The following RBFOX1 variants were observed in gnomAD, a reference collection of about 807,000 sequenced individuals.
RBFOX1 encodes the protein RNA binding protein fox-1 homolog 1.
In RBFOX1, 8 loss-of-function variants were observed where a neutral mutation model predicts 57.7. That is an observed-to-expected ratio of 0.14 (90% confidence interval 0.08 to 0.25). The LOEUF is 0.25. RBFOX1 is among the 10% of genes least tolerant of loss of function. The pLI, the probability that RBFOX1 is intolerant of heterozygous loss-of-function variation, is 1.00. For synonymous variants in RBFOX1, 326 were observed against 222.4 expected (o/e 1.47, Z -4.15); for missense variants, 611 against 548.5 (o/e 1.11, Z -1.14).
chr16:7,105,090 G>C (rs950620608), intron 4 of RBFOX1, among the ~76,000 whole-genome samples: 2 of 152,084 alleles, frequency 1.3e-5, no homozygotes, highest in African/African-American at 4.8e-5. Context: ...CTGAAAGAGA[G>C]CACCTCTGCC....
intron 3 of RBFOX1, among the ~76,000 whole-genome samples, chr16:6,693,448 A>T (rs1426241898): frequency 6.6e-6 from 1 of 151,134 alleles, no homozygotes; most frequent in Non-Finnish European, 1.5e-5. Flanking sequence ...CTTCACTACC[A>T]TCACCACCAT....
At chr16:6,954,481 A>C (rs1407818891) in intron 3 of RBFOX1, among the ~76,000 whole-genome samples, 1 of 152,180 alleles carries the variant, frequency 6.6e-6, no homozygotes, top group Non-Finnish European at 1.5e-5. Flanking sequence ...TTTAAAACGT[A>C]ATTTTGTTGA....
At chr16:7,377,596 TA>T (rs2097707953) in intron 4 of RBFOX1, among the ~76,000 whole-genome samples, 1 of 152,240 alleles carries the variant, frequency 6.6e-6, no homozygotes, top group African/African-American at 2.4e-5. Context: ...TCTATGGCAT[TA>T]TTCTTTATCA....
chr16:6,711,839 G>C (rs4786110), intron 3 of RBFOX1, among the ~76,000 whole-genome samples: 148,543 of 152,230 alleles, frequency 0.98, 72,561 homozygotes, highest in Middle Eastern at 1. Flanking sequence ...CCTTCCCCAG[G>C]TACCCCTAGG....
chr16:6,834,903 T>G (rs2092973874), intron 3 of RBFOX1, among the ~76,000 whole-genome samples: 1 of 150,502 alleles, frequency 6.6e-6, no homozygotes, highest in Non-Finnish European at 1.5e-5. Flanking sequence ...TTTTTTTTTT[T>G]TTTTTTTGAG....
chr16:5,364,404 C>T lies in RBFOX1; in HGVS notation c.220-102812C>T, dbSNP rs569001710. Among the ~76,000 whole-genome samples the T allele has an allele frequency of 1.2e-4, 19 of 152,300 alleles. No homozygotes were observed. In the South Asian group the frequency reaches 3.1e-3, roughly 25 times the overall value. ...CTAGGAAAACAAGCCAGTTGCCAAT[C>T]GACTTGGCAATACCTAAGAAATATT... On this transcript the variant is annotated intron_variant, in intron 1 of 2. Coordinates refer to the RBFOX1 transcript ENST00000585867.
chr16:7,132,104 G>A (rs987469845), intron 4 of RBFOX1, among the ~76,000 whole-genome samples: 1 of 148,536 alleles, frequency 6.7e-6, no homozygotes, highest in Admixed American at 6.8e-5. Flanking sequence ...CAATTCTCCT[G>A]ACTCAGGCTG....
At chr16:7,432,238 A>G (rs2098687866) in intron 4 of RBFOX1, among the ~76,000 whole-genome samples, 1 of 152,262 alleles carries the variant, frequency 6.6e-6, no homozygotes, top group South Asian at 2.1e-4. Context: ...TCTTAAAGGT[A>G]GGATGAGTCT....
At chr16:5,316,289 T>C (rs2064236053) in intron 1 of RBFOX1, among the ~76,000 whole-genome samples, 1 of 152,242 alleles carries the variant, frequency 6.6e-6, no homozygotes, top group Non-Finnish European at 1.5e-5. Flanking sequence ...TTGCATTTCC[T>C]CAAGACACTT....
At chr16:7,370,808 G>A (rs1269025639) in intron 4 of RBFOX1, among the ~76,000 whole-genome samples, 4 of 152,210 alleles carry the variant, frequency 2.6e-5, no homozygotes, top group Non-Finnish European at 5.9e-5. Context: ...GCTAATTGCA[G>A]GACTGTTGTC....
chr16:5,636,647 G>T (rs530289691), intron 3 of RBFOX1, among the ~76,000 whole-genome samples: 1 of 152,164 alleles, frequency 6.6e-6, no homozygotes, highest in Non-Finnish European at 1.5e-5. Context: ...TTTCGTACTC[G>T]TAGGAATATG....
chr16:6,830,696 T>A (rs2092644042), intron 3 of RBFOX1, among the ~76,000 whole-genome samples: 1 of 152,194 alleles, frequency 6.6e-6, no homozygotes, highest in Non-Finnish European at 1.5e-5. Context: ...GTGTCTTGGT[T>A]AAGAAACGTT....
At chr16:7,292,431 A>G (rs975638867) in intron 4 of RBFOX1, among the ~76,000 whole-genome samples, 14 of 142,910 alleles carry the variant, frequency 9.8e-5, no homozygotes, top group Admixed American at 7.3e-5. Context: ...ATAAGGTATT[A>G]TATATAATAT....
chr16:7,530,698 C>A (rs947447907), intron 5 of RBFOX1, among the ~76,000 whole-genome samples: 1 of 152,068 alleles, frequency 6.6e-6, no homozygotes, highest in Non-Finnish European at 1.5e-5. Context: ...TGGAGCCTGC[C>A]AAATTGTCAA....
intron 3 of RBFOX1, among the ~76,000 whole-genome samples, chr16:5,667,395 T>A (rs1180922801): frequency 1.3e-5 from 2 of 152,246 alleles, no homozygotes; most frequent in Non-Finnish European, 2.9e-5. Context: ...TGGTTCTACA[T>A]TGTTTATTAA....
chr16:6,976,757 CAT>C lies in RBFOX1; in HGVS notation c.-15-75293_-15-75292del, dbSNP rs201196267. Among the ~76,000 whole-genome samples the C allele has an allele frequency of 4.7e-3, 610 of 130,526 alleles. 9 individuals carry two copies. The highest frequency in any genetic ancestry group is 0.02 in the African/African-American group (582 of 29,586). 85.6% of individuals were successfully genotyped at this position (130,526 alleles called of 152,430 possible). On this transcript the variant is annotated intron_variant, in intron 3 of 15. Coordinates refer to ENST00000550418, the MANE Select transcript of RBFOX1 (RefSeq NM_018723.4). ...TATCATACATATATATCATGTCATA[CAT>C]ATATATCGTATGACATATCAATATA...
At chr16:6,147,798 C>T (rs11646906) in intron 1 of RBFOX1, among the ~76,000 whole-genome samples, 46,782 of 152,196 alleles carry the variant, frequency 0.31, 8,254 homozygotes, top group Non-Finnish European at 0.41. Context: ...AAATTAAAAC[C>T]TAGGCATTAT....
At chr16:5,843,251 G>A (rs1471323438) in intron 3 of RBFOX1, among the ~76,000 whole-genome samples, 6 of 152,232 alleles carry the variant, frequency 3.9e-5, no homozygotes, top group South Asian at 4.1e-4. Context: ...ACTAAGCCTC[G>A]GACCCAATAG....
chr16:7,484,221 T>C (rs551592366), intron 4 of RBFOX1, among the ~76,000 whole-genome samples: 5 of 152,354 alleles, frequency 3.3e-5, no homozygotes, highest in African/African-American at 1.2e-4. Flanking sequence ...TACCAAGATG[T>C]GTTTATCCAT....
Sources: allele counts gnomAD v4.1 joint callset (sites outside exome capture counted in the v4.1 genomes callset), GRCh38; gene constraint gnomAD v4.1.1; transcripts MANE v1.5; gene names NCBI Gene and HGNC (gene_info 2026-07-23, HGNC 2026-07-21).